The following EHBP1 variants were observed in gnomAD, a reference collection of about 807,000 sequenced individuals.
The protein encoded by EHBP1 is EH domain-binding protein 1.
In EHBP1, 55 loss-of-function variants were observed where a neutral mutation model predicts 144.0. The observed-to-expected ratio is 0.38, with a 90% confidence interval of 0.31 to 0.48. The LOEUF is 0.48. Among genes scored for constraint, EHBP1 ranks in the 20% least tolerant of loss-of-function variants. The pLI, the probability that EHBP1 is intolerant of heterozygous loss-of-function variation, is 0.98. For missense variants in EHBP1, 1,200 were observed against 1,364.2 expected, an observed-to-expected ratio of 0.88 and a Z score of 1.90; for synonymous variants, 469 against 472.7, an observed-to-expected ratio of 0.99 and a Z score of 0.10.
intron 2 of EHBP1, among the ~76,000 whole-genome samples, chr2:62,739,320 T>C (rs956063247): frequency 4.0e-5 from 6 of 151,686 alleles, no homozygotes; most frequent in Admixed American, 3.9e-4. Context: ...GCAGTAATTA[T>C]AGAAGTGTGT....
chr2:63,034,651 C>T (rs1471148786), intron 19 of EHBP1, among the ~76,000 whole-genome samples: 1 of 151,796 alleles, frequency 6.6e-6, no homozygotes, highest in Non-Finnish European at 1.5e-5. Flanking sequence ...ACTGCTTTAC[C>T]ACCACAGCCC....
intron 5 of EHBP1, among the ~76,000 whole-genome samples, chr2:62,785,346 C>A (rs1029929862): frequency 1.3e-5 from 2 of 152,044 alleles, no homozygotes; most frequent in Admixed American, 6.6e-5. Flanking sequence ...TTCAGTTATC[C>A]AAGTAACAGA....
At chr2:62,681,901 G>A (rs1243204427) in intron 1 of EHBP1, among the ~76,000 whole-genome samples, 2 of 152,170 alleles carry the variant, frequency 1.3e-5, no homozygotes, top group Non-Finnish European at 2.9e-5. Flanking sequence ...CCATTACAGA[G>A]GAAATGATTA....
At chr2:62,831,216 C>T in intron 7 of EHBP1, 58 bp downstream of exon 7, 5 of 1,489,076 alleles carry the variant, frequency 3.4e-6, no homozygotes, top group Non-Finnish European at 4.5e-6. Flanking sequence ...TTCAAAAACT[C>T]ATTCTCATTT....
chr2:62,775,859 T>C (rs1573287020), intron 5 of EHBP1, among the ~76,000 whole-genome samples: 1 of 152,312 alleles, frequency 6.6e-6, no homozygotes, highest in East Asian at 1.9e-4. Context: ...TCCAGTCTTG[T>C]CTTTCTCCAG....
intron 3 of EHBP1, among the ~76,000 whole-genome samples, chr2:62,750,761 C>T (rs1220900707): frequency 6.6e-6 from 1 of 152,108 alleles, no homozygotes; most frequent in Non-Finnish European, 1.5e-5. Context: ...AATGGGAGTT[C>T]CCTCATGATT....
intron 2 of EHBP1, among the ~76,000 whole-genome samples, chr2:62,723,200 C>T (rs57047203): frequency 0.019 from 2,947 of 152,258 alleles, 94 homozygotes; most frequent in African/African-American, 0.066. Flanking sequence ...TTAGGATAAT[C>T]AGGTCTTCTT....
At chr2:62,816,777 T>G (rs2045481467) in intron 5 of EHBP1, among the ~76,000 whole-genome samples, 1 of 152,204 alleles carries the variant, frequency 6.6e-6, no homozygotes, top group South Asian at 2.1e-4. Flanking sequence ...CACAGTGCTT[T>G]TGGAATAGCT....
chr2:62,908,431 A>G (rs2053963015), intron 10 of EHBP1, among the ~76,000 whole-genome samples: 1 of 150,622 alleles, frequency 6.6e-6, no homozygotes, highest in African/African-American at 2.4e-5. Flanking sequence ...TTTTTTCTCT[A>G]TTTTTTTCTT....
At chr2:62,838,003 A>G (rs1008356059) in intron 7 of EHBP1, among the ~76,000 whole-genome samples, 8 of 149,332 alleles carry the variant, frequency 5.4e-5, no homozygotes, top group African/African-American at 2.0e-4. Context: ...ATAGACATCT[A>G]CAGAACTCTC....
At chr2:62,857,316 C>T (rs1453506897) in intron 7 of EHBP1, among the ~76,000 whole-genome samples, 1 of 152,058 alleles carries the variant, frequency 6.6e-6, no homozygotes, top group Non-Finnish European at 1.5e-5. Flanking sequence ...CTCTATAGAT[C>T]GTAAATTCCA....
At chr2:63,020,282 C>T (rs886183117) in intron 19 of EHBP1, among the ~76,000 whole-genome samples, 4 of 148,420 alleles carry the variant, frequency 2.7e-5, no homozygotes, top group Admixed American at 6.7e-5. Context: ...CGAAATCATG[C>T]CATTGCACGC....
upstream of EHBP1, among the ~76,000 whole-genome samples, chr2:62,703,706 T>C (rs1323189619): frequency 6.6e-6 from 1 of 152,252 alleles, no homozygotes. Flanking sequence ...TATCAGTCTC[T>C]TGAAATTTTC....
intron 10 of EHBP1, among the ~76,000 whole-genome samples, chr2:62,883,586 G>A (rs561991693): frequency 3.0e-4 from 45 of 152,276 alleles, no homozygotes; most frequent in African/African-American, 8.4e-4. Context: ...AAGACTAGCC[G>A]TCTATAGTCC....
At chr2:62,694,213 C>A (rs2034003682) in intron 1 of EHBP1, among the ~76,000 whole-genome samples, 1 of 152,114 alleles carries the variant, frequency 6.6e-6, no homozygotes, top group African/African-American at 2.4e-5. Flanking sequence ...AGATTAAACT[C>A]TTTGGGCTAG....
intron 6 of EHBP1, among the ~76,000 whole-genome samples, chr2:62,830,193 C>CACACACAT (rs2046720616): frequency 9.4e-6 from 1 of 106,522 alleles, no homozygotes; most frequent in Non-Finnish European, 2.0e-5. Context: ...CACACACACA[C>CACACACAT]ACATATATAT....
intron 5 of EHBP1, among the ~76,000 whole-genome samples, chr2:62,804,789 C>G (rs546830288): frequency 6.6e-6 from 1 of 152,284 alleles, no homozygotes; most frequent in Non-Finnish European, 1.5e-5. Context: ...AGCTTTAACT[C>G]CCGAGCTTTG....
intron 10 of EHBP1, chr2:62,881,682 T>C (rs2051432427): frequency 6.6e-6 from 1 of 152,192 alleles, no homozygotes; most frequent in Non-Finnish European, 1.5e-5. Context: ...GGCTTGTCAC[T>C]CTTTTTTAGA....
At chr2:62,754,210 C>A (rs2040041349) in intron 3 of EHBP1, among the ~76,000 whole-genome samples, 1 of 152,182 alleles carries the variant, frequency 6.6e-6, no homozygotes, top group African/African-American at 2.4e-5. Flanking sequence ...TCCCATCTAA[C>A]AGTCAGGACC....
Sources: allele counts gnomAD v4.1 joint callset (sites outside exome capture counted in the v4.1 genomes callset), GRCh38; gene constraint gnomAD v4.1.1; transcripts MANE v1.5; gene names NCBI Gene and HGNC (gene_info 2026-07-23, HGNC 2026-07-21).